The following PLD1 variants were observed in gnomAD, a reference collection of about 807,000 sequenced individuals.
PLD1 encodes the protein phospholipase D1.
Under a neutral mutation model 137.1 loss-of-function variants are expected in PLD1, and 112 were observed. The ratio of observed to expected loss-of-function variants is 0.82; its 90% confidence interval spans 0.70 to 0.96. The LOEUF is 0.96. PLD1 is among the 40% of genes least tolerant of loss of function. The probability of loss-of-function intolerance (pLI) is 0.00; values close to 1 mark genes in which losing one functional copy is unlikely to be tolerated. For missense variants in PLD1, 1,321 were observed against 1,342.0 expected (o/e 0.98, Z 0.24); for synonymous variants, 431 against 454.7 (o/e 0.95, Z 0.66).
chr3:171,693,170 C>A (rs527924583), intron 12 of PLD1, among the ~76,000 whole-genome samples: 52 of 152,240 alleles, frequency 3.4e-4, no homozygotes, highest in African/African-American at 1.2e-3. Context: ...ACAAATAATA[C>A]AATTATTTAA....
chr3:171,628,621 T>C (rs1344066930), intron 23 of PLD1, among the ~76,000 whole-genome samples: 3 of 151,714 alleles, frequency 2.0e-5, no homozygotes, highest in South Asian at 2.1e-4. Flanking sequence ...AATAAAATAC[T>C]GGCAAACCGA....
chr3:171,720,498 G>A (rs1200918755), intron 8 of PLD1, among the ~76,000 whole-genome samples: 1 of 151,620 alleles, frequency 6.6e-6, no homozygotes, highest in South Asian at 2.1e-4. Context: ...CAGGAGAACG[G>A]CATGAATCTG....
intron 23 of PLD1, among the ~76,000 whole-genome samples, chr3:171,632,379 T>C (rs1734740237): frequency 6.6e-6 from 1 of 152,184 alleles, no homozygotes; most frequent in African/African-American, 2.4e-5. Context: ...AAAGCCTTTT[T>C]TCCTCTTTTG....
chr3:171,750,245 A>G (rs573791884), intron 1 of PLD1, among the ~76,000 whole-genome samples: 1 of 152,344 alleles, frequency 6.6e-6, no homozygotes, highest in South Asian at 2.1e-4. Flanking sequence ...AAAAGAAAAA[A>G]TTTGCAGGAT....
intron 21 of PLD1, among the ~76,000 whole-genome samples, chr3:171,652,807 G>A (rs1736902647): frequency 7.9e-6 from 1 of 126,868 alleles, no homozygotes; most frequent in South Asian, 2.4e-4. Context: ...TAGAGACTAG[G>A]TCTCACTATG....
intron 17 of PLD1, 66 bp downstream of exon 17, chr3:171,677,500 T>A (rs1481763127): frequency 6.7e-7 from 1 of 1,491,696 alleles, no homozygotes; most frequent in East Asian, 2.3e-5. Flanking sequence ...TGCACATGTA[T>A]ACTTGCTGAG....
At chr3:171,741,432 T>G (rs1719763454) in intron 1 of PLD1, among the ~76,000 whole-genome samples, 1 of 152,208 alleles carries the variant, frequency 6.6e-6, no homozygotes, top group African/African-American at 2.4e-5. Flanking sequence ...TATCAGTCAA[T>G]GTTTTCTTTC....
At chr3:171,669,381 G>A (rs1449462679) in intron 19 of PLD1, among the ~76,000 whole-genome samples, 1 of 152,118 alleles carries the variant, frequency 6.6e-6, no homozygotes, top group African/African-American at 2.4e-5. Flanking sequence ...CCAGAGAAAT[G>A]TTAACTTCTT....
intron 16 of PLD1, among the ~76,000 whole-genome samples, chr3:171,683,410 C>T (rs1322245896): frequency 1.3e-5 from 2 of 152,168 alleles, no homozygotes; most frequent in Admixed American, 6.5e-5. Context: ...CCCAGCCCAC[C>T]TCTCTGATTT....
chr3:171,613,057 C>A (rs761459957), intron 24 of PLD1, among the ~76,000 whole-genome samples: 3 of 152,004 alleles, frequency 2.0e-5, no homozygotes, highest in Non-Finnish European at 2.9e-5. Context: ...GTAGTCCCAG[C>A]TGCTCGGAAT....
At chr3:171,611,713 T>G in intron 25 of PLD1, 1 of 488,026 alleles carries the variant, frequency 2.0e-6, no homozygotes, top group Admixed American at 2.2e-5. Context: ...TATTATATCC[T>G]TGTATTACTG....
chr3:171,765,399 G>A (rs996729781), intron 1 of PLD1: 3 of 152,100 alleles, frequency 2.0e-5, no homozygotes, highest in Non-Finnish European at 4.4e-5. Context: ...TGGTGAAGTT[G>A]GTAGGTCTTC....
At chr3:171,623,312 ACTTT>A (rs1733795741) in intron 23 of PLD1, among the ~76,000 whole-genome samples, 1 of 138,964 alleles carries the variant, frequency 7.2e-6, no homozygotes, top group Non-Finnish European at 1.5e-5. Flanking sequence ...GCCCTATCAG[ACTTT>A]TTTTTTTTTT....
intron 17 of PLD1, among the ~76,000 whole-genome samples, chr3:171,677,299 A>T (rs917861631): frequency 1.3e-5 from 2 of 152,188 alleles, no homozygotes; most frequent in Non-Finnish European, 2.9e-5. Flanking sequence ...CTGAAAAATT[A>T]CTGATTATTG....
chr3:171,795,370 T>A (rs72622540), intron 1 of PLD1, among the ~76,000 whole-genome samples: 45,329 of 152,176 alleles, frequency 0.3, 7,099 homozygotes, highest in Admixed American at 0.36. Context: ...TAAACTGTGC[T>A]GAGTGCATTT....
intron 24 of PLD1, among the ~76,000 whole-genome samples, chr3:171,618,510 T>G (rs1219490210): frequency 6.6e-6 from 1 of 152,254 alleles, no homozygotes; most frequent in Non-Finnish European, 1.5e-5. Context: ...TAGTTTTTAT[T>G]TCTTACTGTC....
intron 1 of PLD1, among the ~76,000 whole-genome samples, chr3:171,768,489 A>T (rs1198004482): frequency 6.6e-6 from 1 of 152,364 alleles, no homozygotes; most frequent in African/African-American, 2.4e-5. Flanking sequence ...ACTATGTGTG[A>T]TCACACAGGA....
chr3:171,738,441 G>A (rs1719544706), intron 1 of PLD1, among the ~76,000 whole-genome samples: 1 of 151,582 alleles, frequency 6.6e-6, no homozygotes, highest in African/African-American at 2.4e-5. Flanking sequence ...ATTATTTGCT[G>A]TAATAAATAC....
chr3:171,774,894 T>A (rs1033851694), intron 1 of PLD1, among the ~76,000 whole-genome samples: 5 of 152,064 alleles, frequency 3.3e-5, no homozygotes, highest in African/African-American at 1.2e-4. Context: ...TCAGGGAGGA[T>A]ATCCAGCAGG....
Sources: allele counts gnomAD v4.1 joint callset (sites outside exome capture counted in the v4.1 genomes callset), GRCh38; gene constraint gnomAD v4.1.1; transcripts MANE v1.5; gene names NCBI Gene and HGNC (gene_info 2026-07-23, HGNC 2026-07-21).